UBR1: variants seen among roughly 807,000 people sequenced by gnomAD.
The protein encoded by UBR1 is E3 ubiquitin-protein ligase UBR1.
In UBR1, 102 loss-of-function variants were observed where a neutral mutation model predicts 242.1. The observed-to-expected ratio is 0.42, with a 90% CI of 0.36 to 0.50. The LOEUF is 0.50. Among genes scored for constraint, UBR1 ranks in the 20% least tolerant of loss-of-function variants. The probability of loss-of-function intolerance (pLI) is 0.01; values close to 1 mark genes in which losing one functional copy is unlikely to be tolerated. For missense variants in UBR1, 1,772 were observed against 2,101.8 expected (o/e 0.84, Z 3.07); for synonymous variants, 675 against 684.8 (o/e 0.99, Z 0.22).
intron 1 of UBR1, among the ~76,000 whole-genome samples, chr15:43,103,087 G>A (rs918474687): frequency 6.6e-6 from 1 of 152,220 alleles, no homozygotes; most frequent in East Asian, 1.9e-4. Context: ...AGAATTGCTT[G>A]AACCTGGGAG....
At chr15:43,001,680 C>CA (rs973609972) in intron 32 of UBR1, among the ~76,000 whole-genome samples, 1 of 151,940 alleles carries the variant, frequency 6.6e-6, no homozygotes, top group Non-Finnish European at 1.5e-5. Context: ...AGATGTTATA[C>CA]AAAAAATAAT....
At chr15:42,948,943 G>C (rs1459189175) in intron 46 of UBR1, among the ~76,000 whole-genome samples, 4 of 152,084 alleles carry the variant, frequency 2.6e-5, no homozygotes, top group Admixed American at 2.6e-4. Flanking sequence ...ATAACCAAAG[G>C]ACTATAAATC....
chr15:42,943,980 A>G lies in UBR1; in HGVS notation c.*1349T>C, dbSNP rs546821869. 4 of 152,388 alleles carry G rather than the reference A, an allele frequency of 2.6e-5. No homozygotes were observed. Among genetic ancestry groups the G allele is most frequent in the African/African-American group, 9.6e-5 (4 of 41,576 alleles). 9.4% of individuals were successfully genotyped at this position (152,388 alleles called of 1,614,324 possible). On this transcript the variant is annotated 3_prime_UTR_variant, in exon 47 of 47. Transcript: ENST00000290650. ...TAGCCCCAAATGTGCATCACTAATC[A>G]CTTAGCAAATATATTTTACTTGCTT...
chr15:43,059,124 T>C lies in UBR1; in HGVS notation c.1054A>G (p.Ile352Val), dbSNP rs764216862. 10 of 1,614,062 alleles carry C rather than the reference T, an allele frequency of 6.2e-6. No homozygotes were observed. The highest frequency in any genetic ancestry group is 2.2e-5 in the East Asian group (1 of 44,894). Residue 352 changes from isoleucine to valine, a missense_variant, in exon 9 of 47, where the codon ATA becomes GTA. Physicochemically the swap from Ile to Val is conservative, Grantham distance 29. Coordinates refer to ENST00000290650, the MANE Select transcript of UBR1 (RefSeq NM_174916.3). ...GCATCCCAAAGCATTAACCTGCTTA[T>C]GAGACAGGGATTCTCCGAGTCAGGT... ...EEPDSENPCL[I>V]SRLMLWDAKL... is the part of the protein sequence containing the mutation.
chr15:43,024,949 A>G lies in UBR1; in HGVS notation c.2619T>C (p.Pro873=). ...LPPPPPPEFC[P]AFSKVINLLN... ...GAAGGTTAATCACTTTGCTGAAAGC[A>G]GGGCAGAATTCAGGAGGTGGTGGTG... Residue 873 remains proline, a synonymous_variant, in exon 25 of 47, where the codon CCT becomes CCC. Transcript: ENST00000290650. The G allele has an allele frequency of 6.2e-7, 1 of 1,614,240 alleles. No homozygotes were observed. Among genetic ancestry groups the G allele is most frequent in the Non-Finnish European group, 8.5e-7 (1 of 1,180,040 alleles).
intron 40 of UBR1, among the ~76,000 whole-genome samples, chr15:42,968,815 G>A (rs2032155421): frequency 6.6e-6 from 1 of 152,074 alleles, no homozygotes; most frequent in South Asian, 2.1e-4. Context: ...ATGGTTTCCA[G>A]CTTCATCCAT....
chr15:43,056,999 T>C (rs999056465), intron 10 of UBR1, among the ~76,000 whole-genome samples: 24 of 152,136 alleles, frequency 1.6e-4, no homozygotes, highest in African/African-American at 5.8e-4. Context: ...AGTCACATAA[T>C]AGGCATCTAT....
At chr15:43,054,707 A>G in intron 12 of UBR1, 35 bp downstream of exon 12, 5 of 1,612,194 alleles carry the variant, frequency 3.1e-6, no homozygotes, top group Non-Finnish European at 4.2e-6. Context: ...ACTGAGTTTA[A>G]CAGGTGCCCT....
At chr15:42,985,232 T>G (rs1415942545) in intron 35 of UBR1, among the ~76,000 whole-genome samples, 1 of 152,218 alleles carries the variant, frequency 6.6e-6, no homozygotes, top group Non-Finnish European at 1.5e-5. Context: ...CTGCTTCTTC[T>G]CATTTCAGCA....
intron 3 of UBR1, among the ~76,000 whole-genome samples, chr15:43,079,969 AG>A (rs1427702767): frequency 2.6e-5 from 4 of 152,226 alleles, no homozygotes; most frequent in Non-Finnish European, 5.9e-5. Context: ...CAAGCTATAA[AG>A]GTCTGATTTT....
chr15:43,098,610 G>A (rs1439724032), intron 1 of UBR1, among the ~76,000 whole-genome samples: 4 of 152,146 alleles, frequency 2.6e-5, no homozygotes, highest in Non-Finnish European at 5.9e-5. Flanking sequence ...AGGATGTTTG[G>A]TATTATAAGA....
At chr15:43,076,993 T>A (rs1386879545) in intron 3 of UBR1, among the ~76,000 whole-genome samples, 1 of 85,508 alleles carries the variant, frequency 1.2e-5, no homozygotes, top group Non-Finnish European at 2.5e-5. Flanking sequence ...GAGGAGCCCC[T>A]CTGCCTGGCC....
In UBR1 at chr15:42,944,298, C is replaced by T. The variant is rs1444935927; in HGVS notation, c.*1031G>A. On this transcript the variant is annotated 3_prime_UTR_variant, in exon 47 of 47. Transcript: ENST00000290650. ...AACCACAGCATGTTATAACAGGACA[C>T]AGACTATTGATCACATGGCTTTTTT... The T allele has an allele frequency of 2.0e-5, 3 of 152,636 alleles. No individual in the cohort carries two copies. Among genetic ancestry groups the T allele is most frequent in the South Asian group, 2.1e-4 (1 of 4,826 alleles). The allele number at this position is 152,636 out of a possible 1,614,324, so 9.5% of individuals were successfully genotyped here.
chr15:42,998,139 T>C (rs757200728), intron 33 of UBR1, 29 bp downstream of exon 33: 28 of 1,559,502 alleles, frequency 1.8e-5, no homozygotes, highest in African/African-American at 4.1e-5. Flanking sequence ...CATCTTCACA[T>C]AGCTAATATA....
rs1292268909 is a variant in UBR1, at chr15:42,984,933, A to G, written c.4007T>C (p.Leu1336Ser). Residue 1336 changes from leucine to serine, a missense_variant, in exon 36 of 47, where the codon TTG becomes TCG. Leu to Ser is a moderately radical substitution (Grantham distance 145). This residue lies in a region of UBR1 where 965 missense variants were observed against 1,079.7 expected (regional missense o/e 0.89). Coordinates refer to ENST00000290650, the MANE Select transcript of UBR1 (RefSeq NM_174916.3). The part of the protein sequence containing the change: ...AFTIQAIENL[L>S]GDEGKPLFGA... ...AAACAGAGGTTTTCCTTCATCTCCC[A>G]ATAGATTTTCTCAAAGAATAAAAAA... 2 of 1,609,212 alleles carry G rather than the reference A, an allele frequency of 1.2e-6. No homozygotes were observed. The highest frequency in any genetic ancestry group is 2.2e-5 in the South Asian group (2 of 90,278).
At chr15:43,046,492 A>G (rs1567135909) in intron 14 of UBR1, among the ~76,000 whole-genome samples, 1 of 152,230 alleles carries the variant, frequency 6.6e-6, no homozygotes, top group Non-Finnish European at 1.5e-5. Context: ...TCCAGGAAAA[A>G]GTAATATAAG....
At chr15:42,982,354 T>TA in intron 37 of UBR1, among the ~76,000 whole-genome samples, 1 of 152,110 alleles carries the variant, frequency 6.6e-6, no homozygotes, top group Non-Finnish European at 1.5e-5. Context: ...AAAGAGGTCC[T>TA]AAAAACAAAG....
At position 43,032,642 on chromosome 15, in the gene UBR1, G is replaced by A. The variant is rs2033271680; in HGVS notation, c.2191-11C>T. 19 of 1,475,388 alleles carry A rather than the reference G, an allele frequency of 1.3e-5. No homozygotes were observed. Among genetic ancestry groups the A allele is most frequent in the Admixed American group, 1.8e-5 (1 of 57,068 alleles). The allele number at this position is 1,475,388 out of a possible 1,614,324, so 91.4% of individuals were successfully genotyped here. ...TTGTTTAATCAAATCCTATAGAATC[G>A]AAAAAGAGTAAATTAGTTATGGAAG... On this transcript the variant is annotated splice_polypyrimidine_tract_variant and intron_variant, in intron 19 of 46. Coordinates refer to ENST00000290650, the MANE Select transcript of UBR1 (RefSeq NM_174916.3).
chr15:43,036,870 A>G (rs2033343682), intron 17 of UBR1, among the ~76,000 whole-genome samples: 1 of 151,680 alleles, frequency 6.6e-6, no homozygotes, highest in African/African-American at 2.4e-5. Flanking sequence ...TAAAATACCT[A>G]CTTCAATAAA....
Sources: allele counts gnomAD v4.1 joint callset (sites outside exome capture counted in the v4.1 genomes callset), GRCh38; gene constraint gnomAD v4.1.1; regional missense constraint gnomAD v4.1.1; transcripts MANE v1.5; gene names NCBI Gene and HGNC (gene_info 2026-07-23, HGNC 2026-07-21).